Variants in DOCK4 observed in about 807,000 individuals in gnomAD.
DOCK4 encodes the protein dedicator of cytokinesis 4, also known as dedicator of cytokinesis protein 4.
Under a neutral mutation model 268.1 loss-of-function variants are expected in DOCK4, and 97 were observed. The observed-to-expected ratio is 0.36, with a 90% CI of 0.31 to 0.43. DOCK4 has a LOEUF of 0.43. DOCK4 is among the 20% of genes least tolerant of loss of function. DOCK4 has a pLI of 1.00. For missense variants in DOCK4, 2,145 were observed against 2,455.7 expected (o/e 0.87, Z 2.67); for synonymous variants, 954 against 887.2 (o/e 1.08, Z -1.34).
intron 13 of DOCK4, 83 bp from the exon 14 acceptor site, chr7:111,901,884 T>C (rs1791182462): frequency 1.0e-6 from 1 of 983,728 alleles, no homozygotes; most frequent in African/African-American, 1.6e-5. Context: ...AACTTTAGTT[T>C]ATACAATATA....
intron 1 of DOCK4, among the ~76,000 whole-genome samples, chr7:112,198,159 C>T (rs944182964): frequency 6.6e-6 from 1 of 151,812 alleles, no homozygotes; most frequent in Non-Finnish European, 1.5e-5. Flanking sequence ...GGTAATTAGG[C>T]CATGAGGGGG....
At chr7:112,165,411 C>A (rs1418295845) in intron 1 of DOCK4, among the ~76,000 whole-genome samples, 1 of 151,944 alleles carries the variant, frequency 6.6e-6, no homozygotes, top group Non-Finnish European at 1.5e-5. Flanking sequence ...TGAGAACATG[C>A]GGAATCTGTC....
At position 111,755,563 on chromosome 7, in the gene DOCK4, C is replaced by T; in HGVS notation, c.4368G>A (p.Gln1456=). The T allele has an allele frequency of 6.2e-7, 1 of 1,613,976 alleles. No individual in the cohort carries two copies. The highest frequency in any genetic ancestry group is 8.5e-7 in the Non-Finnish European group (1 of 1,179,898). The part of the protein sequence containing the change: ...WVERTSLYLV[Q]SLPGISRWFE... ...ACCAGCGAGAGATGCCAGGCAAACT[C>T]TGCACCAAGTATAATGACGTTCTCT... The change falls in exon 42 of 53, where the codon CAG becomes CAA. Residue 1456 remains glutamine, a synonymous_variant. Coordinates refer to ENST00000428084, the MANE Select transcript of DOCK4 (RefSeq NM_001363540.2).
At chr7:111,932,565 T>A (rs1794288264) in intron 12 of DOCK4, among the ~76,000 whole-genome samples, 2 of 152,000 alleles carry the variant, frequency 1.3e-5, no homozygotes. Context: ...AGAAGTATAA[T>A]GTGAATCATG....
In DOCK4 at chr7:112,089,539, T is replaced by C. The variant is rs1283606039; in HGVS notation, c.38-85408A>G. On this transcript the variant is annotated intron_variant, in intron 1 of 52. Coordinates refer to ENST00000428084, the MANE Select transcript of DOCK4 (RefSeq NM_001363540.2). ...TCCAGAAGTCCTTCCAAAGGACATA[T>C]GAATCAAATACTAAATTACGGTTTG... Among the ~76,000 whole-genome samples the C allele has an allele frequency of 2.6e-5, 4 of 152,324 alleles. No individual in the cohort carries two copies. The East Asian group carries it at 7.7e-4, about 29-fold the overall frequency.
chr7:111,747,690 A>G (rs1267722423), intron 42 of DOCK4, among the ~76,000 whole-genome samples: 2 of 152,326 alleles, frequency 1.3e-5, no homozygotes, highest in East Asian at 3.9e-4. Flanking sequence ...TCAATTCTAC[A>G]TTAGCACTGC....
intron 51 of DOCK4, 46 bp downstream of exon 51, chr7:111,735,006 TAA>T (rs1487912324): frequency 1.4e-6 from 2 of 1,447,816 alleles, no homozygotes; most frequent in Admixed American, 2.0e-5. Context: ...GAGTAGTCAA[TAA>T]AAGTTATTTT....
intron 1 of DOCK4, among the ~76,000 whole-genome samples, chr7:112,056,138 C>G (rs1272107444): frequency 6.6e-6 from 1 of 152,034 alleles, no homozygotes; most frequent in Non-Finnish European, 1.5e-5. Context: ...GTGATGAGAC[C>G]AGGTAGACTT....
chr7:111,825,321 C>A (rs977669890), intron 26 of DOCK4, among the ~76,000 whole-genome samples: 4 of 152,260 alleles, frequency 2.6e-5, no homozygotes, highest in Non-Finnish European at 4.4e-5. Context: ...AGGGTTTATT[C>A]CAAACTCAGT....
At chr7:111,934,938 T>A (rs948476715) in intron 12 of DOCK4, among the ~76,000 whole-genome samples, 3 of 152,034 alleles carry the variant, frequency 2.0e-5, no homozygotes, top group African/African-American at 7.2e-5. Context: ...GTCATGTGAT[T>A]TTTAGCTTGC....
At chr7:111,796,857 T>C (rs1799931283) in intron 30 of DOCK4, among the ~76,000 whole-genome samples, 1 of 152,110 alleles carries the variant, frequency 6.6e-6, no homozygotes, top group African/African-American at 2.4e-5. Flanking sequence ...GCGTGGTTAG[T>C]CCCACCACTT....
intron 52 of DOCK4, among the ~76,000 whole-genome samples, chr7:111,729,067 G>GAGAA (rs938061034): frequency 7.4e-4 from 113 of 152,246 alleles, no homozygotes; most frequent in African/African-American, 2.5e-3. Flanking sequence ...TGCCAGAATT[G>GAGAA]AGAAAATACA....
intron 1 of DOCK4, among the ~76,000 whole-genome samples, chr7:112,048,437 C>T (rs1167387079): frequency 6.7e-6 from 1 of 149,494 alleles, no homozygotes; most frequent in Non-Finnish European, 1.5e-5. Flanking sequence ...GTGGTAGATT[C>T]CTGTAATCCC....
intron 1 of DOCK4, among the ~76,000 whole-genome samples, chr7:112,182,547 T>C (rs1338166488): frequency 6.6e-6 from 1 of 152,240 alleles, no homozygotes; most frequent in East Asian, 1.9e-4. Flanking sequence ...TACATTTTTC[T>C]ATACTGTGTG....
chr7:112,033,181 C>T (rs1236686401), intron 1 of DOCK4, among the ~76,000 whole-genome samples: 2 of 151,940 alleles, frequency 1.3e-5, no homozygotes, highest in African/African-American at 4.8e-5. Flanking sequence ...ACAGATACAT[C>T]ATAATCTAAA....
intron 1 of DOCK4, among the ~76,000 whole-genome samples, chr7:112,159,367 G>A (rs553210504): frequency 6.6e-6 from 1 of 151,970 alleles, no homozygotes; most frequent in South Asian, 2.1e-4. Context: ...TCGCTCCCTG[G>A]TGCGTGTCCA....
In DOCK4 at chr7:111,747,415, A is replaced by G. The variant is rs770794571; in HGVS notation, c.4445T>C (p.Ile1482Thr). The G allele has an allele frequency of 1.6e-5, 25 of 1,607,204 alleles. No homozygotes were observed. The highest frequency in any genetic ancestry group is 2.0e-5 in the Non-Finnish European group (24 of 1,176,848). The change falls in exon 43 of 53, where the codon ATT (isoleucine) becomes ACT (threonine). Residue 1482 changes from isoleucine to threonine, a missense_variant. By Grantham distance (89) the Ile-to-Thr change is moderately conservative. Transcript: ENST00000428084. Reference protein sequence around the residue: ...VVEMSPLENAIEVLENKNQQL... With the variant: ...VVEMSPLENATEVLENKNQQL... The stretch of plus-strand genomic sequence containing the variant: ...CTGATTCTTATTTTCTAGCACTTCA[A>G]TTGCATTTTCCAGAGGACTCATTTC...
chr7:111,760,075 G>A, intron 40 of DOCK4, 106 bp downstream of exon 40: 2 of 1,377,086 alleles, frequency 1.5e-6, no homozygotes, highest in Admixed American at 1.8e-5. Context: ...CAGTAACGAT[G>A]TGGCTATTGA....
chr7:112,170,097 A>T, intron 1 of DOCK4, among the ~76,000 whole-genome samples: 1 of 152,210 alleles, frequency 6.6e-6, no homozygotes, highest in South Asian at 2.1e-4. Context: ...AAACAAAATT[A>T]TAAGTGATCG....
Sources: allele counts gnomAD v4.1 joint callset (sites outside exome capture counted in the v4.1 genomes callset), GRCh38; gene constraint gnomAD v4.1.1; transcripts MANE v1.5; gene names NCBI Gene and HGNC (gene_info 2026-07-23, HGNC 2026-07-21).